PIWIL3: variants seen among roughly 807,000 people sequenced by gnomAD.
PIWIL3 encodes piwi like RNA-mediated gene silencing 3, also known as piwi-like protein 3.
In PIWIL3, 101 loss-of-function variants were observed where a neutral mutation model predicts 109.7. That is an observed-to-expected ratio of 0.92 (90% confidence interval 0.78 to 1.09). The LOEUF (loss-of-function observed/expected upper bound fraction) is 1.09. Among genes scored for constraint, PIWIL3 ranks in the 50% least tolerant of loss-of-function variants. The pLI is 0.00. For synonymous variants in PIWIL3, 373 were observed against 376.4 expected (o/e 0.99, Z 0.10); for missense variants, 1,031 against 1,072.6 (o/e 0.96, Z 0.54).
intron 1 of PIWIL3, among the ~76,000 whole-genome samples, chr22:24,764,939 C>G (rs1925701264): frequency 1.3e-5 from 2 of 152,062 alleles, no homozygotes; most frequent in African/African-American, 2.4e-5. Context: ...CGCTTGCCCT[C>G]GTGCCTGGGG....
intron 3 of PIWIL3, among the ~76,000 whole-genome samples, chr22:24,758,629 T>C (rs187803233): frequency 6.6e-6 from 1 of 152,306 alleles, no homozygotes; most frequent in East Asian, 1.9e-4. Flanking sequence ...TACACCTAAA[T>C]GGCCAAGACG....
intron 1 of PIWIL3, among the ~76,000 whole-genome samples, chr22:24,767,203 C>A (rs978291462): frequency 1.4e-4 from 21 of 151,404 alleles, no homozygotes; most frequent in Non-Finnish European, 8.8e-5. Flanking sequence ...TTGAAAATAT[C>A]CTAAAGATTT....
At chr22:24,731,413 G>A (rs956642822) in intron 14 of PIWIL3, among the ~76,000 whole-genome samples, 38 of 152,324 alleles carry the variant, frequency 2.5e-4, no homozygotes, top group African/African-American at 7.9e-4. Flanking sequence ...AGCACTTTGG[G>A]AGGCTGAGGC....
chr22:24,751,734 C>T (rs12166038), intron 8 of PIWIL3, among the ~76,000 whole-genome samples: 1 of 152,196 alleles, frequency 6.6e-6, no homozygotes, highest in Non-Finnish European at 1.5e-5. Flanking sequence ...TAGGCAGTCA[C>T]TTCCCATTTT....
In PIWIL3 at chr22:24,734,120, G is replaced by A. The variant is rs1923513469; in HGVS notation, c.1671C>T (p.Asp557=). The A allele has an allele frequency of 6.2e-7, 1 of 1,612,698 alleles. No individual in the cohort carries two copies. The highest frequency in any genetic ancestry group is 1.3e-5 in the African/African-American group (1 of 74,886). The change falls in exon 14 of 21, where the codon GAC becomes GAT. Residue 557 remains aspartate, a synonymous_variant. Coordinates refer to ENST00000616349, the MANE Select transcript of PIWIL3 (RefSeq NM_001255975.1). The part of the protein sequence containing the change: ...EVDGDANSYI[D]TLRKYTRPTL... ...TTGGTCTAGTATATTTCCGTAATGT[G>A]TCTATATAGGAGTTAGCATCACCAT...
At chr22:24,773,053 TG>T (rs1220684771) in intron 1 of PIWIL3, among the ~76,000 whole-genome samples, 1 of 152,152 alleles carries the variant, frequency 6.6e-6, no homozygotes, top group East Asian at 1.9e-4. Context: ...CTGACCCCAC[TG>T]CCCCAGTCCC....
At position 24,728,320 on chromosome 22, in the gene PIWIL3, A is replaced by C; in HGVS notation, c.1762T>G (p.Tyr588Asp). 1 of 1,614,196 alleles carries C rather than the reference A, an allele frequency of 6.2e-7. No homozygotes were observed. Among genetic ancestry groups the C allele is most frequent in the Non-Finnish European group, 8.5e-7 (1 of 1,180,038 alleles). ...DKRRYDSIKR[Y>D]LCTKCPIPSQ... is the part of the protein sequence containing the mutation. ...GGAATTGGGCATTTGGTACATAGGTATCTTTTTATGCTGTCATATCTACGT... is the reference window on the plus strand; with the variant it reads ...GGAATTGGGCATTTGGTACATAGGTCTCTTTTTATGCTGTCATATCTACGT... The change falls in exon 15 of 21, where the codon TAC becomes GAC. Residue 588 changes from tyrosine to aspartate, a missense_variant. Tyr to Asp is a radical substitution (Grantham distance 160, BLOSUM62 -3). Transcript: ENST00000616349.
chr22:24,749,180 G>C (rs1213409983), intron 11 of PIWIL3, among the ~76,000 whole-genome samples, 159 bp from the exon 12 acceptor site: 2 of 152,108 alleles, frequency 1.3e-5, no homozygotes, highest in Non-Finnish European at 2.9e-5. Flanking sequence ...TCTTGTTTTT[G>C]CTTTCATGTT....
intron 3 of PIWIL3, among the ~76,000 whole-genome samples, chr22:24,759,479 G>A (rs1437038008): frequency 1.3e-5 from 2 of 152,138 alleles, no homozygotes; most frequent in Admixed American, 6.5e-5. Context: ...CTGTATAAAC[G>A]AGGATAACCT....
rs1226762235 is a variant in PIWIL3, at chr22:24,735,859, C to A, written c.1483G>T (p.Glu495Ter). The A allele has an allele frequency of 6.2e-7, 1 of 1,609,114 alleles. No individual in the cohort carries two copies. Among genetic ancestry groups the A allele is most frequent in the South Asian group, 1.1e-5 (1 of 89,656 alleles). ...TTAAGTAAGGGTAATTCTCTTATTT[C>A]TCTTGACCAGTCTCCTTGTGAATTG... ...KANSQGDWSREIRELPLLNAM... is the reference protein window; with the variant it reads ...KANSQGDWSR Residue 495 changes from glutamate (E) to a stop codon, truncating the protein, a stop_gained, in exon 13 of 21, where the codon GAA becomes TAA. Coordinates refer to ENST00000616349, the MANE Select transcript of PIWIL3 (RefSeq NM_001255975.1). LOFTEE classifies it high-confidence loss of function.
chr22:24,728,082 A>C (rs1343741254), intron 15 of PIWIL3, 29 bp from the exon 16 acceptor site: 5 of 1,609,586 alleles, frequency 3.1e-6, no homozygotes, highest in South Asian at 1.1e-5. Context: ...AAGGTAATGG[A>C]GTTAGAACGT....
chr22:24,744,255 T>C (rs919672738), intron 12 of PIWIL3, among the ~76,000 whole-genome samples: 6 of 106,634 alleles, frequency 5.6e-5, no homozygotes, highest in Non-Finnish European at 1.1e-4. Flanking sequence ...AAGACTCACA[T>C]AGACTGAAAA....
At chr22:24,767,197 A>G (rs1014315251) in intron 1 of PIWIL3, among the ~76,000 whole-genome samples, 1 of 151,772 alleles carries the variant, frequency 6.6e-6, no homozygotes, top group African/African-American at 2.4e-5. Context: ...TACATCTTGA[A>G]AATATCCTAA....
chr22:24,735,767 TAAGGA>T lies in PIWIL3; in HGVS notation c.1570_1574del (p.Ser524LysfsTer22), dbSNP rs1235412125. 1 of 1,614,032 alleles carries T rather than the reference TAAGGA, an allele frequency of 6.2e-7. No homozygotes were observed. The highest frequency in any genetic ancestry group is 1.7e-5 in the Admixed American group (1 of 59,986). On this transcript the variant is annotated frameshift_variant, in exon 13 of 21. Coordinates refer to ENST00000616349, the MANE Select transcript of PIWIL3 (RefSeq NM_001255975.1). LOFTEE classifies it high-confidence loss of function. ...CTGTGACACTCTGTAGATGACCCTT[TAAGGA>T]CATGGCTTCTCTGTGACTGCTCCTG...
chr22:24,755,784 C>A lies in PIWIL3; in HGVS notation c.692G>T (p.Arg231Ile). The A allele has an allele frequency of 5.0e-6, 8 of 1,614,016 alleles. No individual in the cohort carries two copies. The highest frequency in any genetic ancestry group is 6.8e-6 in the Non-Finnish European group (8 of 1,179,922). Residue 231 changes from arginine (R) to isoleucine (I), a missense_variant and splice_region_variant, in exon 6 of 21, where the codon AGA becomes ATA. Arg to Ile is a moderately conservative substitution (Grantham distance 97, BLOSUM62 -3). Coordinates refer to ENST00000616349, the MANE Select transcript of PIWIL3 (RefSeq NM_001255975.1). ...CLRYYNILFR[R>I]TFKLLDFEQV... ...AAGAAACTCAACCCCGGTAACATAC[C>A]TTCTAAAGAGAATGTTGTAATAGCG... is the stretch of plus-strand genomic sequence containing the variant.
At position 24,719,303 on chromosome 22, in the gene PIWIL3, G is replaced by A. The variant is rs1922521792; in HGVS notation, c.*169C>T. 7.1e-6 allele frequency: 3 copies of A among 419,918 alleles called. No homozygotes were observed. The highest frequency in any genetic ancestry group is 2.0e-5 in the African/African-American group (1 of 48,876). 26.0% of individuals were successfully genotyped at this position (419,918 alleles called of 1,614,324 possible). A position where few individuals can be genotyped will look rare whatever the true frequency, so the allele number is the denominator to read the frequency against. ...CTCCTCTCTGGAAAAATCAGTCTGT[G>A]GTAGTATTGAGAGTAGAACATATCA... On this transcript the variant is annotated 3_prime_UTR_variant, in exon 21 of 21. Transcript: ENST00000616349.
chr22:24,770,990 G>T (rs1926104620), intron 1 of PIWIL3, among the ~76,000 whole-genome samples: 1 of 151,890 alleles, frequency 6.6e-6, no homozygotes, highest in South Asian at 2.1e-4. Flanking sequence ...TGTGCTCCAG[G>T]GGGACAATAA....
At chr22:24,734,193 C>A in intron 13 of PIWIL3, 37 bp from the exon 14 acceptor site, 2 of 1,593,454 alleles carry the variant, frequency 1.3e-6, no homozygotes, top group East Asian at 2.2e-5. Flanking sequence ...CCAAAAGATA[C>A]CAACCAGTGA....
At chr22:24,742,480 ATAT>A (rs1214606045) in intron 12 of PIWIL3, among the ~76,000 whole-genome samples, 1 of 152,234 alleles carries the variant, frequency 6.6e-6, no homozygotes, top group Non-Finnish European at 1.5e-5. Flanking sequence ...TGGAGGCATC[ATAT>A]TATTTGATTT....
Sources: allele counts gnomAD v4.1 joint callset (sites outside exome capture counted in the v4.1 genomes callset), GRCh38; gene constraint gnomAD v4.1.1; transcripts MANE v1.5; gene names NCBI Gene and HGNC (gene_info 2026-07-23, HGNC 2026-07-21).